Variants in VRK2 observed in about 807,000 individuals in gnomAD.
VRK2 encodes the protein serine/threonine-protein kinase VRK2.
In VRK2, 60 loss-of-function variants were observed where a neutral mutation model predicts 57.6. The observed-to-expected ratio is 1.04, with a 90% CI of 0.85 to 1.29. VRK2 has a LOEUF of 1.29. VRK2 is among the 50% of genes most tolerant of loss of function. The probability of loss-of-function intolerance (pLI) is 0.00; values close to 1 mark genes in which losing one functional copy is unlikely to be tolerated. For missense variants in VRK2, 705 were observed against 588.1 expected, an observed-to-expected ratio of 1.20 and a Z score of -2.06; for synonymous variants, 231 against 199.2, an observed-to-expected ratio of 1.16 and a Z score of -1.35.
chr2:58,126,840 T>C (rs913916161), intron 8 of VRK2, among the ~76,000 whole-genome samples: 6 of 152,110 alleles, frequency 3.9e-5, no homozygotes, highest in African/African-American at 9.6e-5. Flanking sequence ...GTGTCAAATA[T>C]AGTATTTTAA....
chr2:58,057,779 G>A (rs1298967244), intron 2 of VRK2, among the ~76,000 whole-genome samples: 2 of 152,102 alleles, frequency 1.3e-5, no homozygotes, highest in African/African-American at 2.4e-5. Context: ...TTTCTGGGCA[G>A]GGGTATTTTA....
intron 10 of VRK2, among the ~76,000 whole-genome samples, chr2:58,137,166 C>CATATATATATCATAT (rs1229582214): frequency 1.4e-4 from 1 of 7,298 alleles, no homozygotes; most frequent in African/African-American, 1.7e-4. Flanking sequence ...TTATATATAT[C>CATATATATATCATAT]ATATATCATA....
chr2:57,920,100 A>C (rs1432483644), intron 1 of VRK2, among the ~76,000 whole-genome samples: 2 of 152,120 alleles, frequency 1.3e-5, no homozygotes, highest in African/African-American at 2.4e-5. Flanking sequence ...ACCTGAAAAA[A>C]TATTTTTAAA....
At chr2:58,156,578 T>TG (rs201341930) in intron 12 of VRK2, among the ~76,000 whole-genome samples, 7 of 137,220 alleles carry the variant, frequency 5.1e-5, no homozygotes, top group African/African-American at 2.6e-4. Context: ...TGGGTGGTGG[T>TG]GTTTTTTTTG....
At chr2:57,934,450 G>A (rs1670837532) in intron 1 of VRK2, among the ~76,000 whole-genome samples, 1 of 152,128 alleles carries the variant, frequency 6.6e-6, no homozygotes, top group South Asian at 2.1e-4. Flanking sequence ...TAGACTTATG[G>A]TAGTTTCCCC....
At chr2:57,970,039 A>AT (rs1672045563) in intron 1 of VRK2, among the ~76,000 whole-genome samples, 1 of 151,534 alleles carries the variant, frequency 6.6e-6, no homozygotes, top group Non-Finnish European at 1.5e-5. Flanking sequence ...AGGTTTGAGT[A>AT]TGGGAGGGAA....
chr2:58,085,340 G>C (rs933388353), intron 4 of VRK2, among the ~76,000 whole-genome samples: 1 of 151,962 alleles, frequency 6.6e-6, no homozygotes, highest in Admixed American at 6.6e-5. Flanking sequence ...AAAAAAGAAC[G>C]ATTGTAGAAT....
chr2:57,910,369 C>T (rs936560549), intron 1 of VRK2, among the ~76,000 whole-genome samples: 15 of 152,174 alleles, frequency 9.9e-5, no homozygotes, highest in Admixed American at 9.8e-4. Flanking sequence ...TAAAACACAA[C>T]GCTCAGCTTT....
At position 57,947,870 on chromosome 2, in the gene VRK2, T is replaced by C. The variant is rs1288060340; in HGVS notation, c.-439+40031T>C. Among the ~76,000 whole-genome samples, 3 of 152,310 alleles carry C rather than the reference T, an allele frequency of 2.0e-5. No homozygotes were observed. The East Asian group carries it at 5.8e-4, about 29-fold the overall frequency. On this transcript the variant is annotated intron_variant, in intron 1 of 15. Coordinates refer to the VRK2 transcript ENST00000417641. ...TCGTAACATTCCTATACACTTTTCC[T>C]TTTCTCTCTCTTTCTCTTCAGCGAT...
chr2:58,071,155 G>A (rs1050415728), intron 2 of VRK2, among the ~76,000 whole-genome samples: 7 of 151,790 alleles, frequency 4.6e-5, no homozygotes, highest in Non-Finnish European at 8.8e-5. Context: ...AAAATGAGTT[G>A]TTCATTTTTT....
At chr2:57,986,200 T>A (rs1242473422) in intron 1 of VRK2, among the ~76,000 whole-genome samples, 2 of 151,852 alleles carry the variant, frequency 1.3e-5, no homozygotes, top group African/African-American at 4.8e-5. Context: ...AATCAAGTCA[T>A]CTCTCTTCTA....
Position 57,988,075 on chromosome 2 carries a change from T to C in VRK2, c.-438-37590T>C, listed in dbSNP as rs545163590. On this transcript the variant is annotated intron_variant, in intron 1 of 15. Coordinates refer to the VRK2 transcript ENST00000417641. ...TTGGAACTGTTCTGTATCTTGATTG[T>C]AATGGTGGTGGTTACACAACTGTAC... 5.9e-5 allele frequency among the ~76,000 whole-genome samples: 9 copies of C among 152,276 alleles called. No homozygotes were observed. In the East Asian group the frequency reaches 9.7e-4, roughly 16 times the overall value.
intron 1 of VRK2, among the ~76,000 whole-genome samples, chr2:57,941,561 T>C (rs1322185523): frequency 1.3e-5 from 2 of 152,218 alleles, no homozygotes; most frequent in Non-Finnish European, 2.9e-5. Context: ...TCAAATACTG[T>C]TAGACTGACA....
intron 2 of VRK2, among the ~76,000 whole-genome samples, chr2:58,056,162 C>A (rs1198648644): frequency 6.6e-6 from 1 of 151,722 alleles, no homozygotes; most frequent in Non-Finnish European, 1.5e-5. Flanking sequence ...CTAAAATTTA[C>A]AGGAATGCCT....
At chr2:58,071,080 C>T (rs908033717) in intron 2 of VRK2, among the ~76,000 whole-genome samples, 5 of 152,022 alleles carry the variant, frequency 3.3e-5, no homozygotes, top group Non-Finnish European at 5.9e-5. Flanking sequence ...AGCATCTTTT[C>T]GTATGTTTAT....
chr2:58,123,302 G>C, intron 8 of VRK2, 69 bp downstream of exon 8: 1 of 1,537,642 alleles, frequency 6.5e-7, no homozygotes, highest in African/African-American at 1.4e-5. Flanking sequence ...TAATGAGGCT[G>C]CATGAAATGA....
intron 2 of VRK2, among the ~76,000 whole-genome samples, chr2:58,029,839 A>G (rs1312217866): frequency 6.6e-6 from 1 of 152,144 alleles, no homozygotes; most frequent in Non-Finnish European, 1.5e-5. Context: ...GAAACATCTA[A>G]CACAGCACTT....
At chr2:57,996,236 G>A (rs1248512332) in intron 1 of VRK2, among the ~76,000 whole-genome samples, 4 of 152,148 alleles carry the variant, frequency 2.6e-5, no homozygotes, top group Non-Finnish European at 4.4e-5. Flanking sequence ...TGCAGAAACC[G>A]AGGGATGACT....
chr2:58,154,529 A>C (rs1175901840), intron 12 of VRK2, among the ~76,000 whole-genome samples: 1 of 151,948 alleles, frequency 6.6e-6, no homozygotes, highest in Non-Finnish European at 1.5e-5. Context: ...CTTTTCTAGT[A>C]CAAATATTTA....
Sources: allele counts gnomAD v4.1 joint callset (sites outside exome capture counted in the v4.1 genomes callset), GRCh38; gene constraint gnomAD v4.1.1; transcripts MANE v1.5; gene names NCBI Gene and HGNC (gene_info 2026-07-23, HGNC 2026-07-21).